KMT2A: variants seen among roughly 807,000 people sequenced by gnomAD.
The protein encoded by KMT2A is lysine methyltransferase 2A.
A neutral mutation model predicts 345.3 loss-of-function variants in KMT2A; 16 were observed. The ratio of observed to expected loss-of-function variants is 0.05; its 90% CI spans 0.03 to 0.07. KMT2A has a LOEUF of 0.07. Among genes scored for constraint, KMT2A ranks in the 10% least tolerant of loss-of-function variants. KMT2A has a pLI of 1.00. For missense variants in KMT2A, 3,272 were observed against 4,841.6 expected (o/e 0.68, Z 9.62); for synonymous variants, 1,599 against 1,778.6 (o/e 0.90, Z 2.54).
At chr11:118,449,277 G>T (rs1463501357) in intron 1 of KMT2A, 3 of 151,740 alleles carry the variant, frequency 2.0e-5, no homozygotes, top group East Asian at 1.9e-4. Context: ...GTGTTGGTGG[G>T]CTGGGCACAG....
rs1242979768 is a variant in KMT2A, at chr11:118,496,969, T to TTTTTG, written c.5664+622_5664+626dup. On this transcript the variant is annotated intron_variant, in intron 20 of 35. Transcript: ENST00000534358. The surrounding 1 kb of genome is among the most constrained non-coding windows in gnomAD (Gnocchi z 4.7). ...CAATTTTTTTAAAAGTTTTTTGTGT[T>TTTTTG]TTTTGTTTTGTTTTGTTTTGTTTTT... Among the ~76,000 whole-genome samples, 4 of 152,142 alleles carry TTTTTG rather than the reference T, an allele frequency of 2.6e-5. No homozygotes were observed. Among genetic ancestry groups the TTTTTG allele is most frequent in the Admixed American group, 6.5e-5 (1 of 15,280 alleles).
At position 118,520,927 on chromosome 11, in the gene KMT2A, A is replaced by T. The variant is rs782751697; in HGVS notation, c.11513+42A>T. Reference sequence around the variant, plus strand: ...AGAAAGAATTACAGAAAACGAATGCAGTTTTTCAAAATCAAAGCAGACCAA... The same window carrying T: ...AGAAAGAATTACAGAAAACGAATGCTGTTTTTCAAAATCAAAGCAGACCAA... On this transcript the variant is annotated intron_variant, in intron 34 of 35. Transcript: ENST00000534358. The surrounding 1 kb of genome is among the most constrained non-coding windows in gnomAD (Gnocchi z 4.3). The T allele has an allele frequency of 6.7e-7, 1 of 1,487,510 alleles. No homozygotes were observed. The highest frequency in any genetic ancestry group is 9.4e-7 in the Non-Finnish European group (1 of 1,065,290). The allele number at this position is 1,487,510 out of a possible 1,614,324, so 92.1% of individuals were successfully genotyped here. A position where few individuals can be genotyped will look rare whatever the true frequency, so the allele number is the denominator to read the frequency against.
chr11:118,520,737 T>G lies in KMT2A; in HGVS notation c.11430-65T>G. On this transcript the variant is annotated intron_variant, in intron 33 of 35. Transcript: ENST00000534358. The surrounding 1 kb of genome is among the most constrained non-coding windows in gnomAD (Gnocchi z 4.3). ...GTGTACTAATTGTCTCTAGGAACCT[T>G]CGATTCAAGACTCAAAACATTATTT... The G allele has an allele frequency of 8.3e-7, 1 of 1,209,134 alleles. No individual in the cohort carries two copies. The highest frequency in any genetic ancestry group is 1.2e-6 in the Non-Finnish European group (1 of 812,696). The allele number at this position is 1,209,134 out of a possible 1,614,324, so 74.9% of individuals were successfully genotyped here. A position where few individuals can be genotyped will look rare whatever the true frequency, so the allele number is the denominator to read the frequency against.
chr11:118,513,958 A>G (rs1426482748), intron 31 of KMT2A, among the ~76,000 whole-genome samples: 1 of 149,778 alleles, frequency 6.7e-6, no homozygotes, highest in African/African-American at 2.4e-5. Context: ...AAAAAAAAAA[A>G]GAAAAAGAAA....
At chr11:118,475,168 A>C (rs1184477933) in intron 3 of KMT2A, among the ~76,000 whole-genome samples, 2 of 152,164 alleles carry the variant, frequency 1.3e-5, no homozygotes, top group African/African-American at 2.4e-5. Flanking sequence ...CAAACAGATT[A>C]GAAGCACTTA....
At chr11:118,463,822 A>G (rs1949791288) in intron 1 of KMT2A, among the ~76,000 whole-genome samples, 3 of 152,238 alleles carry the variant, frequency 2.0e-5, no homozygotes, top group Admixed American at 2.0e-4. Context: ...TTTTGTATGC[A>G]CCAAAATAAA....
intron 3 of KMT2A, among the ~76,000 whole-genome samples, chr11:118,474,967 T>TAA (rs782017800): frequency 2.9e-5 from 4 of 136,286 alleles, no homozygotes; most frequent in African/African-American, 5.4e-5. Context: ...TCATCTCTAC[T>TAA]AAAAAAAAAA....
In KMT2A at chr11:118,506,792, CTGAG is replaced by C; in HGVS notation, c.10754+149_10754+152del. 5.1e-6 allele frequency: 4 copies of C among 785,660 alleles called. No individual in the cohort carries two copies. The South Asian group carries it at 7.9e-5, about 16-fold the overall frequency. The allele number at this position is 785,660 out of a possible 1,614,324, so 48.7% of individuals were successfully genotyped here. A position where few individuals can be genotyped will look rare whatever the true frequency, so the allele number is the denominator to read the frequency against. Reference sequence around the variant, plus strand: ...TTCCGGGTTTTGACTTTTTTTCTCTCTGAGTGGTGATTTATGTAACAAAATGTAG... The same window carrying C: ...TTCCGGGTTTTGACTTTTTTTCTCTCTGGTGATTTATGTAACAAAATGTAG... On this transcript the variant is annotated intron_variant, in intron 27 of 35. Coordinates refer to ENST00000534358, the MANE Select transcript of KMT2A (RefSeq NM_001197104.2).
chr11:118,513,937 CAAAAAAAAAAAAA>C (rs1178939991), intron 31 of KMT2A, among the ~76,000 whole-genome samples: 1 of 47,354 alleles, frequency 2.1e-5, no homozygotes, highest in Non-Finnish European at 4.2e-5. Flanking sequence ...GACCCTGTCT[CAAAAAAAAAAAAA>C]AAAAAAAAGA....
At position 118,499,852 on chromosome 11, in the gene KMT2A, T is replaced by C. The variant is rs1555045150; in HGVS notation, c.6097T>C (p.Cys2033Arg). The change falls in exon 24 of 36, where the codon TGC (cysteine) becomes CGC (arginine). Residue 2033 changes from cysteine to arginine, a missense_variant. Transcript: ENST00000534358. ...TTGGTCAGGGTCTATGACAATCGAC[T>C]GCTTAGGAATTCTAAATGATCTCTC... ...HMMIGSMTID[C>R]LGILNDLSDC... 6.2e-7 allele frequency: 1 copy of C among 1,611,846 alleles called. No individual in the cohort carries two copies.
At position 118,476,281 on chromosome 11, in the gene KMT2A, C is replaced by T. The variant is rs1157151140; in HGVS notation, c.3157-524C>T. Among the ~76,000 whole-genome samples the T allele has an allele frequency of 7.2e-5, 11 of 152,104 alleles. No homozygotes were observed. Among genetic ancestry groups the T allele is most frequent in the Admixed American group, 3.3e-4 (5 of 15,264 alleles). On this transcript the variant is annotated intron_variant, in intron 3 of 35. Coordinates refer to ENST00000534358, the MANE Select transcript of KMT2A (RefSeq NM_001197104.2). The surrounding 1 kb of genome is among the most constrained non-coding windows in gnomAD (Gnocchi z 4.1). The stretch of plus-strand genomic sequence containing the variant: ...AGAAATAGTTTTTGGTTAGATAAGC[C>T]GTATTTATACCACACTGAACTTTTT...
chr11:118,496,015 T>G lies in KMT2A; in HGVS notation c.5557+122T>G. 2 of 890,406 alleles carry G rather than the reference T, an allele frequency of 2.2e-6. No individual in the cohort carries two copies. Among genetic ancestry groups the G allele is most frequent in the Non-Finnish European group, 3.5e-6 (2 of 568,462 alleles). 55.2% of individuals were successfully genotyped at this position (890,406 alleles called of 1,614,324 possible). On this transcript the variant is annotated intron_variant, in intron 19 of 35. Coordinates refer to ENST00000534358, the MANE Select transcript of KMT2A (RefSeq NM_001197104.2). This position sits in a 1 kb window ranked among gnomAD's most constrained non-coding sequence, Gnocchi z 4.7. ...TCAGAAAGGAATTTTCAGGTCATCC[T>G]TAAATGTAATACCATCATTAATTTT...
intron 6 of KMT2A, among the ~76,000 whole-genome samples, chr11:118,481,452 T>C (rs1950131022): frequency 6.6e-6 from 1 of 152,220 alleles, no homozygotes; most frequent in Non-Finnish European, 1.5e-5. Flanking sequence ...TATGGCTGAA[T>C]AGTACTCCAT....
At position 118,521,042 on chromosome 11, in the gene KMT2A, T is replaced by A. The variant is rs782736936; in HGVS notation, c.11513+157T>A. 99 of 666,606 alleles carry A rather than the reference T, an allele frequency of 1.5e-4. No homozygotes were observed. The highest frequency in any genetic ancestry group is 2.4e-4 in the Non-Finnish European group (90 of 377,588). 41.3% of individuals were successfully genotyped at this position (666,606 alleles called of 1,614,324 possible). On this transcript the variant is annotated intron_variant, in intron 34 of 35. Coordinates refer to ENST00000534358, the MANE Select transcript of KMT2A (RefSeq NM_001197104.2). The surrounding 1 kb of genome is among the most constrained non-coding windows in gnomAD (Gnocchi z 5.3). The stretch of plus-strand genomic sequence containing the variant: ...TATCCTGGGATCCTGCACCTCCTTG[T>A]GTTGAACAAGGACTTTAACATAATA...
Position 118,497,295 on chromosome 11 carries a change from G to A in KMT2A, c.5665-641G>A, listed in dbSNP as rs543509419. Among the ~76,000 whole-genome samples the A allele has an allele frequency of 8.7e-4, 133 of 152,190 alleles. No individual in the cohort carries two copies. Among genetic ancestry groups the A allele is most frequent in the African/African-American group, 3.0e-3 (126 of 41,530 alleles). ...TGGGATTACAGGCGTGAGCCACCGT[G>A]CCCGGCCAAAAGCTTTTAAATACCA... On this transcript the variant is annotated intron_variant, in intron 20 of 35. Transcript: ENST00000534358. This position sits in a 1 kb window ranked among gnomAD's most constrained non-coding sequence, Gnocchi z 4.8.
intron 31 of KMT2A, among the ~76,000 whole-genome samples, chr11:118,513,527 A>G (rs1268654177): frequency 6.6e-6 from 1 of 152,104 alleles, no homozygotes; most frequent in East Asian, 1.9e-4. Flanking sequence ...CATGGCTATT[A>G]TAACACCCTG....
intron 31 of KMT2A, among the ~76,000 whole-genome samples, chr11:118,516,993 A>G (rs1452142819): frequency 6.6e-6 from 1 of 152,144 alleles, no homozygotes; most frequent in Non-Finnish European, 1.5e-5. Context: ...GTGAAAATAT[A>G]CTTGAGTATG....
intron 1 of KMT2A, among the ~76,000 whole-genome samples, chr11:118,465,942 G>C (rs1170782082): frequency 5.3e-5 from 8 of 152,088 alleles, no homozygotes; most frequent in African/African-American, 1.9e-4. Context: ...TAACATTGTA[G>C]CCTACAAGTG....
intron 31 of KMT2A, among the ~76,000 whole-genome samples, chr11:118,515,873 AG>A (rs1950802937): frequency 6.6e-6 from 1 of 151,840 alleles, no homozygotes; most frequent in Non-Finnish European, 1.5e-5. Flanking sequence ...ATTTTAGTAG[AG>A]ACGGGATTTC....
Sources: allele counts gnomAD v4.1 joint callset (sites outside exome capture counted in the v4.1 genomes callset), GRCh38; gene constraint gnomAD v4.1.1; non-coding constraint Gnocchi (gnomAD v3.1); transcripts MANE v1.5; gene names NCBI Gene and HGNC (gene_info 2026-07-23, HGNC 2026-07-21).